CNGB3: variants seen among roughly 807,000 people sequenced by gnomAD.
The protein encoded by CNGB3 is cyclic nucleotide-gated channel beta-3.
A neutral mutation model predicts 92.8 loss-of-function variants in CNGB3; 86 were observed. The ratio of observed to expected loss-of-function variants is 0.93; its 90% CI spans 0.78 to 1.11. The LOEUF (loss-of-function observed/expected upper bound fraction) is 1.11. CNGB3 is among the 50% of genes least tolerant of loss of function. The pLI is 0.00. For synonymous variants in CNGB3, 333 were observed against 332.7 expected (o/e 1.00, Z -0.01); for missense variants, 1,026 against 956.8 (o/e 1.07, Z -0.95).
chr8:86,587,894 T>C (rs1233868959), intron 15 of CNGB3, among the ~76,000 whole-genome samples: 1 of 152,190 alleles, frequency 6.6e-6, no homozygotes, highest in Non-Finnish European at 1.5e-5. Flanking sequence ...GGTAGCTTGA[T>C]GGGGATTGCA....
intron 3 of CNGB3, among the ~76,000 whole-genome samples, chr8:86,718,120 A>G (rs1824897249): frequency 6.6e-6 from 1 of 152,140 alleles, no homozygotes; most frequent in African/African-American, 2.4e-5. Context: ...GAAACAAGAA[A>G]AAAAACAACC....
intron 13 of CNGB3, 130 bp from the exon 14 acceptor site, chr8:86,611,801 G>T (rs1005564141): frequency 6.2e-5 from 44 of 713,238 alleles, no homozygotes; most frequent in Non-Finnish European, 1.0e-4. Flanking sequence ...ACTGCCAATG[G>T]CTATGGACAT....
intron 1 of CNGB3, among the ~76,000 whole-genome samples, chr8:86,742,381 G>A (rs1586047358): frequency 6.6e-6 from 1 of 152,148 alleles, no homozygotes; most frequent in Non-Finnish European, 1.5e-5. Context: ...GCACTCTCTC[G>A]AAGCAATACT....
At chr8:86,597,003 A>T (rs1290175497) in intron 15 of CNGB3, among the ~76,000 whole-genome samples, 1 of 151,362 alleles carries the variant, frequency 6.6e-6, no homozygotes, top group Non-Finnish European at 1.5e-5. Flanking sequence ...AGGGAGGGGA[A>T]CATCATACAC....
At chr8:86,700,504 AC>A (rs1197986215) in intron 3 of CNGB3, among the ~76,000 whole-genome samples, 1 of 152,214 alleles carries the variant, frequency 6.6e-6, no homozygotes, top group Non-Finnish European at 1.5e-5. Flanking sequence ...TCTCTTGGTT[AC>A]AATTAACGAG....
chr8:86,643,701 C>A, intron 10 of CNGB3, 50 bp downstream of exon 10: 1 of 1,582,178 alleles, frequency 6.3e-7, no homozygotes, highest in Non-Finnish European at 8.6e-7. Flanking sequence ...TACAATGAAA[C>A]AGAATGTTAA....
At chr8:86,655,453 G>A (rs2131604181) in intron 6 of CNGB3, among the ~76,000 whole-genome samples, 1 of 152,230 alleles carries the variant, frequency 6.6e-6, no homozygotes, top group African/African-American at 2.4e-5. Context: ...TGCGTCAGAG[G>A]GATGCCTTTG....
At chr8:86,667,413 A>C (rs1306431735) in intron 5 of CNGB3, among the ~76,000 whole-genome samples, 1 of 152,210 alleles carries the variant, frequency 6.6e-6, no homozygotes, top group Admixed American at 6.5e-5. Context: ...TAGCTGTACT[A>C]TTTGGATCAG....
At chr8:86,646,283 A>G (rs1284610530) in intron 8 of CNGB3, among the ~76,000 whole-genome samples, 2 of 151,090 alleles carry the variant, frequency 1.3e-5, no homozygotes, top group African/African-American at 4.8e-5. Flanking sequence ...CCATGGTCAA[A>G]CCAGAAGTCT....
chr8:86,723,267 A>T (rs1257987773), intron 3 of CNGB3, among the ~76,000 whole-genome samples: 1 of 152,158 alleles, frequency 6.6e-6, no homozygotes, highest in African/African-American at 2.4e-5. Flanking sequence ...TGCACTTACA[A>T]TAAGAAAACT....
chr8:86,692,980 T>C (rs1414045704), intron 3 of CNGB3, among the ~76,000 whole-genome samples: 1 of 152,218 alleles, frequency 6.6e-6, no homozygotes, highest in East Asian at 1.9e-4. Flanking sequence ...CTTTCCTTCA[T>C]TTATGAAGCA....
chr8:86,608,692 T>C lies in CNGB3; in HGVS notation c.1662+2896A>G, dbSNP rs71525059. ...GTGACAGTATTAAAAGTCTCTGATA[T>C]GCAGAAATAATAGCATAAGCTGTCT... is the stretch of plus-strand genomic sequence containing the variant. On this transcript the variant is annotated intron_variant, in intron 14 of 17. Transcript: ENST00000320005. Among the ~76,000 whole-genome samples the C allele has an allele frequency of 1.9e-3, 288 of 152,374 alleles. 2 individuals are homozygous for C. Among genetic ancestry groups the C allele is most frequent in the Non-Finnish European group, 3.0e-3 (201 of 68,034 alleles).
intron 10 of CNGB3, among the ~76,000 whole-genome samples, chr8:86,635,952 C>T (rs1823063982): frequency 6.8e-6 from 1 of 146,474 alleles, no homozygotes; most frequent in Admixed American, 7.0e-5. Flanking sequence ...AAATAGAAAG[C>T]CTTTCTCTGT....
intron 10 of CNGB3, among the ~76,000 whole-genome samples, chr8:86,637,042 T>C (rs1823085824): frequency 6.6e-6 from 1 of 152,202 alleles, no homozygotes; most frequent in African/African-American, 2.4e-5. Flanking sequence ...GTTTTGGCTA[T>C]TGCGAATAAT....
chr8:86,727,894 A>G (rs1413065269), intron 2 of CNGB3, among the ~76,000 whole-genome samples: 1 of 152,160 alleles, frequency 6.6e-6, no homozygotes, highest in African/African-American at 2.4e-5. Flanking sequence ...GATGATCACC[A>G]TACCAGTCCT....
At chr8:86,695,897 C>T (rs1313707288) in intron 3 of CNGB3, among the ~76,000 whole-genome samples, 1 of 152,018 alleles carries the variant, frequency 6.6e-6, no homozygotes, top group Non-Finnish European at 1.5e-5. Context: ...AGAGCTAGAC[C>T]ACAGTGATTG....
intron 3 of CNGB3, among the ~76,000 whole-genome samples, chr8:86,693,931 C>T (rs924581247): frequency 1.4e-5 from 2 of 146,708 alleles, no homozygotes; most frequent in African/African-American, 4.9e-5. Flanking sequence ...CCGCCATTGT[C>T]ATCATGGCCC....
At chr8:86,686,879 G>A (rs1250310780) in intron 3 of CNGB3, among the ~76,000 whole-genome samples, 1 of 152,020 alleles carries the variant, frequency 6.6e-6, no homozygotes, top group Non-Finnish European at 1.5e-5. Flanking sequence ...GAAAATTCAA[G>A]TTTTGTAGTG....
Position 86,644,617 on chromosome 8 carries a change from T to G in CNGB3, c.1055+5A>C. The stretch of plus-strand genomic sequence containing the variant: ...TTCCCCCAAGTATACTGAGTTATAC[T>G]TTACCTGTAGATATATGCTTTGTCC... On this transcript the variant is annotated splice_donor_5th_base_variant and intron_variant, in intron 9 of 17. Transcript: ENST00000320005. 6.2e-7 allele frequency: 1 copy of G among 1,601,028 alleles called. No homozygotes were observed. Among genetic ancestry groups the G allele is most frequent in the South Asian group, 1.1e-5 (1 of 90,616 alleles).
Sources: allele counts gnomAD v4.1 joint callset (sites outside exome capture counted in the v4.1 genomes callset), GRCh38; gene constraint gnomAD v4.1.1; transcripts MANE v1.5; gene names NCBI Gene and HGNC (gene_info 2026-07-23, HGNC 2026-07-21).